The following SGMS1 variants were observed in gnomAD, a reference collection of about 807,000 sequenced individuals.
SGMS1 encodes the protein phosphatidylcholine:ceramide cholinephosphotransferase 1.
A neutral mutation model predicts 46.2 loss-of-function variants in SGMS1; 13 were observed. The ratio of observed to expected loss-of-function variants is 0.28; its 90% CI spans 0.18 to 0.45. The LOEUF (loss-of-function observed/expected upper bound fraction) is 0.45. Ranked by LOEUF, SGMS1 falls within the 20% of genes least tolerant of loss-of-function variation. The probability of loss-of-function intolerance (pLI) is 1.00; values close to 1 mark genes in which losing one functional copy is unlikely to be tolerated. For synonymous variants in SGMS1, 203 were observed against 187.8 expected, an observed-to-expected ratio of 1.08 and a Z score of -0.66; for missense variants, 324 against 519.9, an observed-to-expected ratio of 0.62 and a Z score of 3.66.
chr10:50,484,191 A>C (rs1042357220), intron 3 of SGMS1, among the ~76,000 whole-genome samples: 3 of 152,178 alleles, frequency 2.0e-5, no homozygotes, highest in Non-Finnish European at 4.4e-5. Context: ...AACTAGACAA[A>C]ATAAAAAATG....
chr10:50,347,010 A>G (rs1564883277), intron 6 of SGMS1, among the ~76,000 whole-genome samples: 1 of 152,140 alleles, frequency 6.6e-6, no homozygotes, highest in Admixed American at 6.5e-5. Context: ...TTCAGTCCAT[A>G]TAACAACCAA....
At chr10:50,611,200 G>C (rs1838746215) in intron 1 of SGMS1, among the ~76,000 whole-genome samples, 1 of 152,280 alleles carries the variant, frequency 6.6e-6, no homozygotes, top group Admixed American at 6.5e-5. Context: ...CCACCCAGGA[G>C]AGGAAAGGGA....
chr10:50,572,172 C>T (rs1838341999), intron 2 of SGMS1, among the ~76,000 whole-genome samples: 1 of 152,118 alleles, frequency 6.6e-6, no homozygotes, highest in Admixed American at 6.5e-5. Flanking sequence ...GGGTTGTGTC[C>T]CTTCTTCTAG....
chr10:50,323,378 C>T (rs1847479931), intron 8 of SGMS1, among the ~76,000 whole-genome samples: 1 of 152,150 alleles, frequency 6.6e-6, no homozygotes, highest in South Asian at 2.1e-4. Flanking sequence ...TAAAGCTCAA[C>T]TCTCCTCCCT....
chr10:50,465,930 CA>C (rs201020600), intron 4 of SGMS1, among the ~76,000 whole-genome samples: 22 of 144,264 alleles, frequency 1.5e-4, no homozygotes, highest in African/African-American at 4.4e-4. Context: ...AGCTCAGCCA[CA>C]AAAAAAATAA....
chr10:50,513,283 G>A (rs1050936106), intron 3 of SGMS1, among the ~76,000 whole-genome samples: 1 of 152,140 alleles, frequency 6.6e-6, no homozygotes, highest in African/African-American at 2.4e-5. Context: ...AATGGTCCCT[G>A]GGAAAAACAG....
intron 3 of SGMS1, among the ~76,000 whole-genome samples, chr10:50,491,734 G>A (rs950048760): frequency 2.0e-5 from 3 of 152,096 alleles, no homozygotes; most frequent in Non-Finnish European, 2.9e-5. Context: ...AATTCTACCA[G>A]AGATACAAAG....
At chr10:50,624,147 A>G, upstream of SGMS1, 2 of 984,876 alleles carry the variant, frequency 2.0e-6, no homozygotes, top group Non-Finnish European at 2.4e-6. Flanking sequence ...TTTTACTTTC[A>G]AGTAATGGGA....
chr10:50,344,287 C>A lies in SGMS1; in HGVS notation c.-173G>T. Reference sequence around the variant, plus strand: ...GTTTTTAAACACCTCATGTAGCTGTCCAGGGTTCCTGAGCGCCCAAGTATT... The same window carrying A: ...GTTTTTAAACACCTCATGTAGCTGTACAGGGTTCCTGAGCGCCCAAGTATT... On this transcript the variant is annotated 5_prime_UTR_variant, in exon 7 of 11. Transcript: ENST00000361781. 1 of 707,976 alleles carries A rather than the reference C, an allele frequency of 1.4e-6. No homozygotes were observed. Among genetic ancestry groups the A allele is most frequent in the South Asian group, 2.6e-5 (1 of 39,004 alleles). The allele number at this position is 707,976 out of a possible 1,614,324, so 43.9% of individuals were successfully genotyped here.
At chr10:50,577,661 T>C (rs1483057374) in intron 2 of SGMS1, among the ~76,000 whole-genome samples, 1 of 152,228 alleles carries the variant, frequency 6.6e-6, no homozygotes, top group Non-Finnish European at 1.5e-5. Context: ...AGGAAACCTC[T>C]GAATCTGATT....
intron 6 of SGMS1, among the ~76,000 whole-genome samples, chr10:50,389,182 A>T (rs1848729442): frequency 6.6e-6 from 1 of 152,200 alleles, no homozygotes; most frequent in Admixed American, 6.5e-5. Flanking sequence ...CTATGGGTAG[A>T]GGTCAAAAAC....
At chr10:50,448,757 A>T (rs9988707) in intron 5 of SGMS1, among the ~76,000 whole-genome samples, 134 of 140,698 alleles carry the variant, frequency 9.5e-4, no homozygotes, top group Middle Eastern at 3.6e-3. Context: ...AAAAAAAAAA[A>T]AAAAGAATGA....
chr10:50,545,654 T>A (rs1334840573), intron 2 of SGMS1, among the ~76,000 whole-genome samples: 2 of 152,138 alleles, frequency 1.3e-5, no homozygotes, highest in African/African-American at 4.8e-5. Flanking sequence ...GCCAGGTTGG[T>A]CTCAAACTCC....
At chr10:50,510,700 C>T (rs1588858996) in intron 3 of SGMS1, among the ~76,000 whole-genome samples, 1 of 151,960 alleles carries the variant, frequency 6.6e-6, no homozygotes, top group Non-Finnish European at 1.5e-5. Flanking sequence ...CTTCACCCAG[C>T]TTCTCCCCAT....
chr10:50,602,786 T>TA (rs1256460764), intron 1 of SGMS1, among the ~76,000 whole-genome samples: 1 of 152,180 alleles, frequency 6.6e-6, no homozygotes, highest in Non-Finnish European at 1.5e-5. Flanking sequence ...ATTTTAACAA[T>TA]AAAAAAATTT....
intron 4 of SGMS1, among the ~76,000 whole-genome samples, chr10:50,462,780 T>C (rs372952210): frequency 1.6e-4 from 24 of 152,042 alleles, no homozygotes; most frequent in African/African-American, 5.8e-4. Flanking sequence ...GAAAACTATA[T>C]TAGAGCAAAC....
At chr10:50,392,037 G>T (rs1848776573) in intron 6 of SGMS1, among the ~76,000 whole-genome samples, 1 of 151,934 alleles carries the variant, frequency 6.6e-6, no homozygotes, top group African/African-American at 2.4e-5. Flanking sequence ...ACTTGAGGGT[G>T]GAGGGTGGGA....
At chr10:50,581,391 A>G (rs1002055201) in intron 2 of SGMS1, among the ~76,000 whole-genome samples, 5 of 152,216 alleles carry the variant, frequency 3.3e-5, no homozygotes, top group African/African-American at 1.2e-4. Flanking sequence ...TAATGATCAC[A>G]GAGTTGTGGA....
chr10:50,620,598 T>C (rs1295583542), intron 1 of SGMS1, among the ~76,000 whole-genome samples: 1 of 152,202 alleles, frequency 6.6e-6, no homozygotes, highest in Non-Finnish European at 1.5e-5. Context: ...AGCAAGCTCA[T>C]GCCAAGAAAG....
Sources: gnomAD v4.1 joint callset for allele counts (sites outside exome capture counted in the v4.1 genomes callset) on GRCh38, gnomAD v4.1.1 for gene constraint, MANE v1.5 for transcripts, NCBI Gene and HGNC (gene_info 2026-07-23, HGNC 2026-07-21) for gene names.